SHOC2: variants seen among roughly 807,000 people sequenced by gnomAD.
SHOC2 encodes the protein leucine-rich repeat protein SHOC-2.
A neutral mutation model predicts 50.2 loss-of-function variants in SHOC2; 4 were observed. That is an observed-to-expected ratio of 0.08 (90% CI 0.04 to 0.18). The LOEUF (loss-of-function observed/expected upper bound fraction) is 0.18. Among genes scored for constraint, SHOC2 ranks in the 10% least tolerant of loss-of-function variants. The probability of loss-of-function intolerance (pLI) is 1.00; values close to 1 mark genes in which losing one functional copy is unlikely to be tolerated. For synonymous variants in SHOC2, 218 were observed against 244.5 expected, an observed-to-expected ratio of 0.89 and a Z score of 1.01; for missense variants, 388 against 669.6, an observed-to-expected ratio of 0.58 and a Z score of 4.64.
At chr10:110,939,082 A>G (rs1847087061) in intron 1 of SHOC2, among the ~76,000 whole-genome samples, 1 of 152,164 alleles carries the variant, frequency 6.6e-6, no homozygotes. Flanking sequence ...AATTTTGGAA[A>G]TCTTGTAGCC....
intron 1 of SHOC2, among the ~76,000 whole-genome samples, chr10:110,926,392 G>A (rs1846773581): frequency 6.6e-6 from 1 of 152,134 alleles, no homozygotes; most frequent in Non-Finnish European, 1.5e-5. Context: ...ATGTCATAAT[G>A]TTCTTGTTTT....
chr10:110,964,451 T>C lies in SHOC2; in HGVS notation c.93T>C (p.Ser31=). The change falls in exon 2 of 9, where the codon TCT becomes TCC. Residue 31 remains serine, a synonymous_variant. Transcript: ENST00000369452. The surrounding 1 kb of genome is among the most constrained non-coding windows in gnomAD (Gnocchi z 4.9). ...AKEREKEAKA[S]GGFGKESKEK... is the part of the protein sequence containing the mutation. ...AAAGAGAAAAGGAGGCAAAAGCCTC[T>C]GGAGGTTTTGGGAAAGAGAGCAAAG... The C allele has an allele frequency of 6.2e-7, 1 of 1,613,928 alleles. No homozygotes were observed. The highest frequency in any genetic ancestry group is 8.5e-7 in the Non-Finnish European group (1 of 1,179,944).
rs565072802 is a variant in SHOC2, at chr10:110,966,384, TA to T, written c.703+1324del. On this transcript the variant is annotated intron_variant, in intron 2 of 8. Coordinates refer to ENST00000369452, the MANE Select transcript of SHOC2 (RefSeq NM_007373.4). ...AATGTGGTTGTTGAATGACTTGTTTTAGTGTCATATTTAGTCAAAATTTGAC... is the reference window on the plus strand; with the variant it reads ...AATGTGGTTGTTGAATGACTTGTTTTGTGTCATATTTAGTCAAAATTTGAC... Among the ~76,000 whole-genome samples, 125 of 152,268 alleles carry T rather than the reference TA, an allele frequency of 8.2e-4. No homozygotes were observed. The South Asian group carries it at 0.023, about 28-fold the overall frequency.
intron 2 of SHOC2, among the ~76,000 whole-genome samples, chr10:110,985,099 T>C (rs1465947465): frequency 2.0e-5 from 3 of 152,190 alleles, no homozygotes; most frequent in Non-Finnish European, 2.9e-5. Flanking sequence ...AAGATTAAAA[T>C]TCACAATTAT....
At chr10:110,990,703 G>A (rs1426744040) in intron 3 of SHOC2, among the ~76,000 whole-genome samples, 1 of 151,886 alleles carries the variant, frequency 6.6e-6, no homozygotes, top group East Asian at 1.9e-4. Context: ...TCCACACTGT[G>A]GAAGCTTTGT....
intron 4 of SHOC2, among the ~76,000 whole-genome samples, chr10:111,002,202 A>G (rs1402296199): frequency 6.6e-6 from 1 of 152,194 alleles, no homozygotes; most frequent in Non-Finnish European, 1.5e-5. Context: ...TCCCAGTCCC[A>G]CTGAATATGG....
In SHOC2 at chr10:111,009,677, T is replaced by C. The variant is rs372588362; in HGVS notation, c.1423-36T>C. ...CAGTTTACATTAAATGTAGGAAATA[T>C]ATTTGTAACTCTCTTTTATTTTGTA... On this transcript the variant is annotated intron_variant, in intron 7 of 8. Transcript: ENST00000369452. 2.8e-4 allele frequency: 348 copies of C among 1,252,426 alleles called. 1 individual carries two copies. Among genetic ancestry groups the C allele is most frequent in the Non-Finnish European group, 3.9e-4 (335 of 855,668 alleles). 77.6% of individuals were successfully genotyped at this position (1,252,426 alleles called of 1,614,324 possible).
chr10:110,981,061 A>G (rs1433929565), intron 2 of SHOC2, among the ~76,000 whole-genome samples: 1 of 152,146 alleles, frequency 6.6e-6, no homozygotes, highest in Non-Finnish European at 1.5e-5. Flanking sequence ...TTTTTCTTTC[A>G]TGAATGAGTC....
At chr10:110,948,723 C>T (rs772051804) in intron 1 of SHOC2, among the ~76,000 whole-genome samples, 1 of 152,060 alleles carries the variant, frequency 6.6e-6, no homozygotes, top group African/African-American at 2.4e-5. Flanking sequence ...CGTGAAGCAG[C>T]AAAAGCAGTT....
chr10:110,988,517 A>G (rs1351790326), intron 3 of SHOC2, among the ~76,000 whole-genome samples: 1 of 152,118 alleles, frequency 6.6e-6, no homozygotes, highest in Non-Finnish European at 1.5e-5. Flanking sequence ...TTATTTTAAT[A>G]TCTGTAGAAT....
At chr10:110,999,619 C>T (rs965639082) in intron 3 of SHOC2, among the ~76,000 whole-genome samples, 2 of 151,260 alleles carry the variant, frequency 1.3e-5, no homozygotes, top group Non-Finnish European at 2.9e-5. Flanking sequence ...CACCTGTAAT[C>T]CCAGCTACTT....
chr10:110,986,599 G>A (rs1848082379), intron 3 of SHOC2, among the ~76,000 whole-genome samples: 1 of 151,976 alleles, frequency 6.6e-6, no homozygotes, highest in South Asian at 2.1e-4. Flanking sequence ...TCAGCCTCCT[G>A]AGTAGCTGGG....
At chr10:110,969,069 A>G (rs1294346189) in intron 2 of SHOC2, among the ~76,000 whole-genome samples, 1 of 152,166 alleles carries the variant, frequency 6.6e-6, no homozygotes, top group East Asian at 1.9e-4. Context: ...GTTCAGAGCC[A>G]GAGATCTATC....
intron 2 of SHOC2, among the ~76,000 whole-genome samples, chr10:110,967,790 A>T (rs1847704952): frequency 6.6e-6 from 1 of 152,188 alleles, no homozygotes; most frequent in African/African-American, 2.4e-5. Context: ...AGGTTGTAGC[A>T]TGTATCAGTA....
intron 1 of SHOC2, among the ~76,000 whole-genome samples, chr10:110,958,107 C>A (rs1464663782): frequency 6.6e-6 from 1 of 152,210 alleles, no homozygotes. Flanking sequence ...ACTACTCCTT[C>A]CTTCTAAAAT....
chr10:111,002,173 G>A (rs999067491), intron 4 of SHOC2, among the ~76,000 whole-genome samples: 2 of 152,190 alleles, frequency 1.3e-5, no homozygotes, highest in Non-Finnish European at 2.9e-5. Flanking sequence ...TGTTAGAAAT[G>A]TGGACTCTTG....
At position 110,919,622 on chromosome 10, in the gene SHOC2, C is replaced by G; in HGVS notation, c.-270C>G. The G allele has an allele frequency of 5.0e-6, 2 of 398,270 alleles. No individual in the cohort carries two copies. The allele number at this position is 398,270 out of a possible 1,614,324, so 24.7% of individuals were successfully genotyped here. A position where few individuals can be genotyped will look rare whatever the true frequency, so the allele number is the denominator to read the frequency against. On this transcript the variant is annotated 5_prime_UTR_variant, in exon 1 of 9. Coordinates refer to ENST00000369452, the MANE Select transcript of SHOC2 (RefSeq NM_007373.4). Reference sequence around the variant, plus strand: ...GGAGGAGGAAGAGGAGGAAGGAGGGCGAGCGAGGAGGATGGCGGAGTCGGG... The same window carrying G: ...GGAGGAGGAAGAGGAGGAAGGAGGGGGAGCGAGGAGGATGGCGGAGTCGGG...
intron 2 of SHOC2, among the ~76,000 whole-genome samples, chr10:110,966,317 A>T (rs1055287498): frequency 2.0e-5 from 3 of 152,190 alleles, no homozygotes; most frequent in East Asian, 1.9e-4. Flanking sequence ...TATTCCCAGG[A>T]ATTTCTGGGT....
chr10:111,012,634 A>G lies in SHOC2; in HGVS notation c.*816A>G, dbSNP rs905188414. ...GTGAAAAGGAGTTTTTTCATTCCTG[A>G]AAGTTGCAGATCCACAAAACTAACA... On this transcript the variant is annotated 3_prime_UTR_variant, in exon 9 of 9. Transcript: ENST00000369452. The G allele has an allele frequency of 1.3e-5, 2 of 152,190 alleles. No individual in the cohort carries two copies. The highest frequency in any genetic ancestry group is 1.5e-5 in the Non-Finnish European group (1 of 68,024). 9.4% of individuals were successfully genotyped at this position (152,190 alleles called of 1,614,324 possible).
Sources: allele counts gnomAD v4.1 joint callset (sites outside exome capture counted in the v4.1 genomes callset), GRCh38; gene constraint gnomAD v4.1.1; non-coding constraint Gnocchi (gnomAD v3.1); transcripts MANE v1.5; gene names NCBI Gene and HGNC (gene_info 2026-07-23, HGNC 2026-07-21).